ITGAL: variants seen among roughly 807,000 people sequenced by gnomAD.
ITGAL encodes the protein integrin subunit alpha L, also known as integrin alpha-L.
Under a neutral mutation model 138.4 loss-of-function variants are expected in ITGAL, and 68 were observed. The ratio of observed to expected loss-of-function variants is 0.49; its 90% CI spans 0.40 to 0.60. The LOEUF is 0.60. Ranked by LOEUF, ITGAL falls within the 20% of genes least tolerant of loss-of-function variation. The pLI is 0.00. For synonymous variants in ITGAL, 561 were observed against 584.3 expected, an observed-to-expected ratio of 0.96 and a Z score of 0.57; for missense variants, 1,256 against 1,478.6, an observed-to-expected ratio of 0.85 and a Z score of 2.47.
At chr16:30,516,535 T>C (rs2051168812) in intron 25 of ITGAL, among the ~76,000 whole-genome samples, 1 of 151,932 alleles carries the variant, frequency 6.6e-6, no homozygotes, top group South Asian at 2.1e-4. Flanking sequence ...AGGCACTGTG[T>C]CAAGCAGTAG....
At chr16:30,473,871 T>G in intron 1 of ITGAL, 1 of 499,552 alleles carries the variant, frequency 2.0e-6, no homozygotes, top group Non-Finnish European at 3.9e-6. Flanking sequence ...CATCTTGGCC[T>G]CTGCCTGAGA....
At chr16:30,493,503 C>T (rs1301800113) in intron 11 of ITGAL, among the ~76,000 whole-genome samples, 1 of 151,990 alleles carries the variant, frequency 6.6e-6, no homozygotes, top group Non-Finnish European at 1.5e-5. Flanking sequence ...GTCTCGATCT[C>T]CTGACCTTGT....
At chr16:30,481,187 A>G (rs2050553899) in intron 6 of ITGAL, 1 of 417,160 alleles carries the variant, frequency 2.4e-6, no homozygotes. Flanking sequence ...CACACACCAC[A>G]CACACACAAA....
intron 7 of ITGAL, chr16:30,483,146 G>C (rs2151146603): frequency 6.6e-6 from 1 of 152,146 alleles, no homozygotes; most frequent in East Asian, 1.9e-4. Context: ...GAGGATTTTA[G>C]CAAAAAACAG....
intron 17 of ITGAL, among the ~76,000 whole-genome samples, chr16:30,499,791 C>T (rs1204236223): frequency 2.9e-4 from 41 of 139,460 alleles, no homozygotes; most frequent in Admixed American, 8.0e-4. Context: ...TGCAGTGGCA[C>T]GGTCTCACTT....
chr16:30,519,636 C>T (rs954126255), intron 29 of ITGAL: 8 of 535,180 alleles, frequency 1.5e-5, no homozygotes, highest in South Asian at 9.0e-5. Flanking sequence ...CGTGCGATTC[C>T]GGGGAAGCCA....
At chr16:30,519,817 G>A (rs1240845837) in intron 29 of ITGAL, 40 bp from the exon 30 acceptor site, 5 of 1,384,586 alleles carry the variant, frequency 3.6e-6, no homozygotes, top group Non-Finnish European at 5.1e-6. Flanking sequence ...TTCAGGGGTG[G>A]AAAAGGCATT....
chr16:30,518,645 T>A lies in ITGAL; in HGVS notation c.3154T>A (p.Cys1052Ser). 6.2e-7 allele frequency: 1 copy of A among 1,613,968 alleles called. No homozygotes were observed. The highest frequency in any genetic ancestry group is 8.5e-7 in the Non-Finnish European group (1 of 1,179,888). The stretch of plus-strand genomic sequence containing the variant: ...ACAGGCCTCTTCCATGTTCAGCCTC[T>A]GCAGCTCCCTCTCCATCTCCTTCAA... Reference protein sequence around the residue: ...EIEASSMFSLCSSLSISFNSS... With the variant: ...EIEASSMFSLSSSLSISFNSS... Residue 1052 changes from cysteine to serine, a missense_variant, in exon 29 of 31, where the codon TGC becomes AGC. Around this residue, in one of 3 missense-constraint regions of ITGAL, gnomAD observed 867 missense variants for 972.5 expected, o/e 0.89. Transcript: ENST00000356798.
Position 30,489,378 on chromosome 16 carries a change from G to T in ITGAL, c.1205G>T (p.Gly402Val). 6.2e-7 allele frequency: 1 copy of T among 1,614,188 alleles called. No homozygotes were observed. The highest frequency in any genetic ancestry group is 1.6e-4 in the Middle Eastern group (1 of 6,062). Reference sequence around the variant, plus strand: ...CCATTGACACCAGAAGTGAGAGCAGGCTATTTGGGTGAGTACTTCTCTTTT... The same window carrying T: ...CCATTGACACCAGAAGTGAGAGCAGTCTATTTGGGTGAGTACTTCTCTTTT... ...NEPLTPEVRA[G>V]YLGYTVTWLP... Residue 402 changes from glycine (G) to valine (V), a missense_variant, in exon 11 of 31, where the codon GGC becomes GTC. By Grantham distance (109) the Gly-to-Val change is moderately radical (BLOSUM62 -3). Around this residue, in one of 3 missense-constraint regions of ITGAL, gnomAD observed 867 missense variants for 972.5 expected, o/e 0.89. Coordinates refer to ENST00000356798, the MANE Select transcript of ITGAL (RefSeq NM_002209.3).
intron 11 of ITGAL, among the ~76,000 whole-genome samples, chr16:30,493,140 C>T (rs1342258019): frequency 6.6e-6 from 1 of 152,032 alleles, no homozygotes; most frequent in Non-Finnish European, 1.5e-5. Context: ...CCTACCTCGG[C>T]TTCCCAAAAT....
chr16:30,476,558 T>C (rs2050475011), intron 4 of ITGAL, among the ~76,000 whole-genome samples: 1 of 151,744 alleles, frequency 6.6e-6, no homozygotes, highest in African/African-American at 2.4e-5. Flanking sequence ...AGGAAAATAT[T>C]AAGAAAATAA....
chr16:30,506,558 C>CAAAAAAA (rs57722064), intron 20 of ITGAL, among the ~76,000 whole-genome samples, 157 bp from the exon 21 acceptor site: 4 of 47,912 alleles, frequency 8.3e-5, no homozygotes, highest in African/African-American at 8.3e-5. Context: ...GACTCCATCT[C>CAAAAAAA]AAAAAAAAAA....
chr16:30,493,059 T>C (rs1339327847), intron 11 of ITGAL, among the ~76,000 whole-genome samples: 1 of 151,198 alleles, frequency 6.6e-6, no homozygotes, highest in Non-Finnish European at 1.5e-5. Context: ...CTAGTTTTTG[T>C]AATTTTTTGT....
intron 2 of ITGAL, among the ~76,000 whole-genome samples, chr16:30,475,014 A>G (rs2050450201): frequency 6.6e-6 from 1 of 151,660 alleles, no homozygotes; most frequent in Admixed American, 6.6e-5. Context: ...ATGCACCACC[A>G]TGCTGGGCTA....
At chr16:30,500,557 A>C (rs1197088841) in intron 17 of ITGAL, among the ~76,000 whole-genome samples, 1 of 151,540 alleles carries the variant, frequency 6.6e-6, no homozygotes, top group Non-Finnish European at 1.5e-5. Flanking sequence ...TTTATTAAAA[A>C]AATTTTTTTA....
intron 30 of ITGAL, 28 bp from the exon 31 acceptor site, chr16:30,521,464 T>C (rs749326888): frequency 6.3e-7 from 1 of 1,599,804 alleles, no homozygotes; most frequent in Non-Finnish European, 8.5e-7. Context: ...GTGAATTCTT[T>C]GCTCGTTCAA....
chr16:30,517,282 GTC>G (rs2051180611), intron 26 of ITGAL, among the ~76,000 whole-genome samples, 196 bp downstream of exon 26: 2 of 152,078 alleles, frequency 1.3e-5, no homozygotes, highest in Admixed American at 6.6e-5. Context: ...CACAACTCCA[GTC>G]TCTACAAACA....
chr16:30,517,930 T>C (rs2051194829), intron 28 of ITGAL, 35 bp downstream of exon 28: 1 of 1,598,394 alleles, frequency 6.3e-7, no homozygotes, highest in South Asian at 1.1e-5. Context: ...GGAGCTGCTG[T>C]GGGGGCCCCA....
At chr16:30,493,513 T>C (rs1009953360) in intron 11 of ITGAL, among the ~76,000 whole-genome samples, 3 of 152,026 alleles carry the variant, frequency 2.0e-5, no homozygotes, top group Non-Finnish European at 4.4e-5. Context: ...CCTGACCTTG[T>C]GATCCACCTG....
Sources: allele counts gnomAD v4.1 joint callset (sites outside exome capture counted in the v4.1 genomes callset), GRCh38; gene constraint gnomAD v4.1.1; regional missense constraint gnomAD v4.1.1; transcripts MANE v1.5; gene names NCBI Gene and HGNC (gene_info 2026-07-23, HGNC 2026-07-21).